KCNQ1: variants seen among roughly 807,000 people sequenced by gnomAD.
KCNQ1 encodes potassium voltage-gated channel subfamily KQT member 1.
A neutral mutation model predicts 72.4 loss-of-function variants in KCNQ1; 49 were observed. The observed-to-expected ratio is 0.68, with a 90% CI of 0.54 to 0.86. The LOEUF (loss-of-function observed/expected upper bound fraction) is 0.86, where lower values mean the gene tolerates loss of function less well. Among genes scored for constraint, KCNQ1 ranks in the 40% least tolerant of loss-of-function variants. KCNQ1 has a pLI of 0.00. For missense variants in KCNQ1, 790 were observed against 945.1 expected (o/e 0.84, Z 2.15); for synonymous variants, 450 against 412.6 (o/e 1.09, Z -1.10).
chr11:2,456,887 C>T (rs1186947983), intron 1 of KCNQ1, among the ~76,000 whole-genome samples: 5 of 140,410 alleles, frequency 3.6e-5, no homozygotes, highest in East Asian at 2.1e-4. Flanking sequence ...TGCAGTAAGC[C>T]GAGATCACGC....
rs542021218 is a variant in KCNQ1 at position 2,446,054 on chromosome 11, A to G, written c.386+570A>G. On this transcript the variant is annotated intron_variant, in intron 1 of 15. Transcript: ENST00000155840. The surrounding 1 kb of genome is among the most constrained non-coding windows in gnomAD (Gnocchi z 8.8). ...CACATTAACTAATTGAACCAAGCTC[A>G]TGAAAACCTGGCTTGATGCAGAGAG... Among the ~76,000 whole-genome samples the G allele has an allele frequency of 4.0e-4, 61 of 152,240 alleles. No individual in the cohort carries two copies. The South Asian group carries it at 0.012, about 31-fold the overall frequency.
In KCNQ1 at chr11:2,824,107, C is replaced by A. The variant is rs1847791863; in HGVS notation, c.1795-23660C>A. On this transcript the variant is annotated intron_variant, in intron 15 of 15. Coordinates refer to ENST00000155840, the MANE Select transcript of KCNQ1 (RefSeq NM_000218.3). This position sits in a 1 kb window ranked among gnomAD's most constrained non-coding sequence, Gnocchi z 5.9. The stretch of plus-strand genomic sequence containing the variant: ...AAACACCTTGACACACACCGTCACA[C>A]ACACCCATATTCGACACACACATTC... 6.6e-6 allele frequency among the ~76,000 whole-genome samples: 1 copy of A among 152,150 alleles called. No individual in the cohort carries two copies. Among genetic ancestry groups the A allele is most frequent in the South Asian group, 2.1e-4 (1 of 4,828 alleles).
chr11:2,472,865 G>A (rs1390603151), intron 1 of KCNQ1, among the ~76,000 whole-genome samples: 1 of 152,132 alleles, frequency 6.6e-6, no homozygotes, highest in Non-Finnish European at 1.5e-5. Context: ...GCATGGGGGT[G>A]ACTCCATGGC....
At position 2,816,503 on chromosome 11, in the gene KCNQ1, G is replaced by T. The variant is rs142741143; in HGVS notation, c.1795-31264G>T. On this transcript the variant is annotated intron_variant, in intron 15 of 15. Transcript: ENST00000155840. The surrounding 1 kb of genome is among the most constrained non-coding windows in gnomAD (Gnocchi z 6.8). The stretch of plus-strand genomic sequence containing the variant: ...GGCTTCTGGGTTGTGCGTCATCGCT[G>T]TCCAGGAGTGGTGAAAAGCTGGACT... Among the ~76,000 whole-genome samples, 8 of 152,280 alleles carry T rather than the reference G, an allele frequency of 5.3e-5. No homozygotes were observed. In the East Asian group the frequency reaches 1.5e-3, roughly 29 times the overall value.
intron 11 of KCNQ1, among the ~76,000 whole-genome samples, chr11:2,721,499 C>G (rs976583610): frequency 6.6e-6 from 1 of 152,246 alleles, no homozygotes; most frequent in African/African-American, 2.4e-5. Flanking sequence ...TGTTTCACCC[C>G]CAAGGTGTGA....
intron 1 of KCNQ1, among the ~76,000 whole-genome samples, chr11:2,496,494 G>GGTTTTTTTTTTTT (rs1184873196): frequency 5.0e-5 from 1 of 19,918 alleles, no homozygotes; most frequent in Non-Finnish European, 1.0e-4. Context: ...CACAACCCCT[G>GGTTTTTTTTTTTT]CTTTTTTTTT....
chr11:2,525,045 G>C (rs775523653), intron 1 of KCNQ1, among the ~76,000 whole-genome samples: 1 of 152,230 alleles, frequency 6.6e-6, no homozygotes, highest in Non-Finnish European at 1.5e-5. Flanking sequence ...CATGGCGGAG[G>C]GAGCCCTGGT....
intron 15 of KCNQ1, among the ~76,000 whole-genome samples, chr11:2,845,940 C>T (rs1024646971): frequency 6.6e-6 from 1 of 152,214 alleles, no homozygotes; most frequent in African/African-American, 2.4e-5. Context: ...GGGTGACGAC[C>T]ACAGCACCCA....
Position 2,713,912 on chromosome 11 carries a change from C to T in KCNQ1, c.1514+51831C>T, listed in dbSNP as rs945206972. 1.2e-4 allele frequency among the ~76,000 whole-genome samples: 18 copies of T among 152,260 alleles called. No individual in the cohort carries two copies. The highest frequency in any genetic ancestry group is 3.9e-4 in the African/African-American group (16 of 41,474). On this transcript the variant is annotated intron_variant, in intron 11 of 15. Coordinates refer to ENST00000155840, the MANE Select transcript of KCNQ1 (RefSeq NM_000218.3). This position sits in a 1 kb window ranked among gnomAD's most constrained non-coding sequence, Gnocchi z 5.6. ...CTGCAGACACGATGGCCCAGCACGC[C>T]GCTCACTGCCGCGCCTTTGTTCTCT...
chr11:2,745,327 T>A lies in KCNQ1; in HGVS notation c.1515-23517T>A, dbSNP rs918997150. 1.3e-5 allele frequency among the ~76,000 whole-genome samples: 2 copies of A among 152,162 alleles called. No individual in the cohort carries two copies. Among genetic ancestry groups the A allele is most frequent in the African/African-American group, 2.4e-5 (1 of 41,438 alleles). ...AGGCCCTCTTGGACCTCTGTTGCCA[T>A]CTTTTCCTGAAAGGGCTGGTGGGGT... On this transcript the variant is annotated intron_variant, in intron 11 of 15. Coordinates refer to ENST00000155840, the MANE Select transcript of KCNQ1 (RefSeq NM_000218.3). The surrounding 1 kb of genome is among the most constrained non-coding windows in gnomAD (Gnocchi z 6.2).
In KCNQ1 at chr11:2,772,041, C is replaced by G. The variant is rs908440571; in HGVS notation, c.1590+3122C>G. 2.0e-5 allele frequency among the ~76,000 whole-genome samples: 3 copies of G among 152,174 alleles called. No homozygotes were observed. Among genetic ancestry groups the G allele is most frequent in the African/African-American group, 7.2e-5 (3 of 41,442 alleles). ...CTCGCAGGGCACAGAGGCTCCTGCA[C>G]AAAGCCGCTGGGGCTCCCTCCGACC... is the stretch of plus-strand genomic sequence containing the variant. On this transcript the variant is annotated intron_variant, in intron 12 of 15. Coordinates refer to ENST00000155840, the MANE Select transcript of KCNQ1 (RefSeq NM_000218.3). This position sits in a 1 kb window ranked among gnomAD's most constrained non-coding sequence, Gnocchi z 6.6.
chr11:2,716,617 C>T (rs377731332), intron 11 of KCNQ1, among the ~76,000 whole-genome samples: 4 of 152,214 alleles, frequency 2.6e-5, no homozygotes, highest in African/African-American at 9.6e-5. Flanking sequence ...AATTCCATTC[C>T]CTGCCTCCCA....
rs1262925016 is a variant in KCNQ1, at chr11:2,544,086, A to G, written c.477+16068A>G. 6.6e-6 allele frequency among the ~76,000 whole-genome samples: 1 copy of G among 152,072 alleles called. No individual in the cohort carries two copies. The highest frequency in any genetic ancestry group is 1.5e-5 in the Non-Finnish European group (1 of 68,028). ...TTCGGGGTCCTTTGCATTTACATAT[A>G]AATTTTGGAAGCTGCTTACCAATTT... On this transcript the variant is annotated intron_variant, in intron 2 of 15. Transcript: ENST00000155840. The surrounding 1 kb of genome is among the most constrained non-coding windows in gnomAD (Gnocchi z 4.4).
chr11:2,476,420 G>A (rs1160043391), intron 1 of KCNQ1, among the ~76,000 whole-genome samples: 7 of 152,028 alleles, frequency 4.6e-5, no homozygotes, highest in Non-Finnish European at 2.9e-5. Flanking sequence ...GTACACCGAG[G>A]CAAATTTATA....
At position 2,526,917 on chromosome 11, in the gene KCNQ1, C is replaced by G. The variant is rs1847518840; in HGVS notation, c.387-1011C>G. ...TGTGTGGCTTTCTCTGTTTGTGTCT[C>G]CCCTGGCCCTGGGGGCCATGTGGCC... is the stretch of plus-strand genomic sequence containing the variant. On this transcript the variant is annotated intron_variant, in intron 1 of 15. Transcript: ENST00000155840. The surrounding 1 kb of genome is among the most constrained non-coding windows in gnomAD (Gnocchi z 6.1). Among the ~76,000 whole-genome samples, 1 of 152,116 alleles carries G rather than the reference C, an allele frequency of 6.6e-6. No homozygotes were observed. Among genetic ancestry groups the G allele is most frequent in the Admixed American group, 6.5e-5 (1 of 15,286 alleles).
rs989356370 is a variant in KCNQ1, at chr11:2,723,311, C to T, written c.1515-45533C>T. ...GGGCAAGTGAGGGACGAGGAGGCTC[C>T]GCAGCCTCCCCCGGGACACTGCAAC... On this transcript the variant is annotated intron_variant, in intron 11 of 15. Transcript: ENST00000155840. This position sits in a 1 kb window ranked among gnomAD's most constrained non-coding sequence, Gnocchi z 4.2. 1.1e-4 allele frequency among the ~76,000 whole-genome samples: 16 copies of T among 152,214 alleles called. No homozygotes were observed. Among genetic ancestry groups the T allele is most frequent in the East Asian group, 1.9e-4 (1 of 5,198 alleles).
chr11:2,520,286 T>A (rs1267264563), intron 1 of KCNQ1, among the ~76,000 whole-genome samples: 1 of 152,198 alleles, frequency 6.6e-6, no homozygotes, highest in Non-Finnish European at 1.5e-5. Context: ...AGGACTTCCA[T>A]GATGTGACAC....
In KCNQ1 at chr11:2,501,294, A is replaced by T. The variant is rs138598970; in HGVS notation, c.387-26634A>T. Among the ~76,000 whole-genome samples, 89 of 149,930 alleles carry T rather than the reference A, an allele frequency of 5.9e-4. 1 individual carries two copies. The highest frequency in any genetic ancestry group is 1.9e-3 in the African/African-American group (79 of 40,720). On this transcript the variant is annotated intron_variant, in intron 1 of 15. Coordinates refer to ENST00000155840, the MANE Select transcript of KCNQ1 (RefSeq NM_000218.3). ...TTGACAAACCTTTAGCCAGACTAAG[A>T]AAAGAAGAGGGAAGATCCAAGTAAC...
At chr11:2,662,791 G>C (rs1849990712) in intron 11 of KCNQ1, 3 of 398,984 alleles carry the variant, frequency 7.5e-6, no homozygotes, top group Non-Finnish European at 8.8e-6. Context: ...AAATGTCTTT[G>C]TGTCAAGATC....
Sources: gnomAD v4.1 joint callset for allele counts (sites outside exome capture counted in the v4.1 genomes callset) on GRCh38, gnomAD v4.1.1 for gene constraint, Gnocchi (gnomAD v3.1) non-coding constraint, MANE v1.5 for transcripts, NCBI Gene and HGNC (gene_info 2026-07-23, HGNC 2026-07-21) for gene names.